GLYR1: variants seen among roughly 807,000 people sequenced by gnomAD.
GLYR1 encodes the protein glyoxylate reductase 1 homolog.
A neutral mutation model predicts 72.7 loss-of-function variants in GLYR1; 21 were observed. The ratio of observed to expected loss-of-function variants is 0.29; its 90% CI spans 0.20 to 0.42. GLYR1 has a LOEUF of 0.42. Among genes scored for constraint, GLYR1 ranks in the 10% least tolerant of loss-of-function variants. The pLI is 1.00. For missense variants in GLYR1, 594 were observed against 712.1 expected, an observed-to-expected ratio of 0.83 and a Z score of 1.89; for synonymous variants, 392 against 270.2, an observed-to-expected ratio of 1.45 and a Z score of -4.42.
chr16:4,819,154 T>C (rs752571862), intron 9 of GLYR1, among the ~76,000 whole-genome samples: 65 of 152,288 alleles, frequency 4.3e-4, no homozygotes, highest in Middle Eastern at 3.4e-3. Context: ...TTCTTGTTTT[T>C]ATAGTTTTTA....
chr16:4,835,470 T>C (rs1387675119), intron 3 of GLYR1, among the ~76,000 whole-genome samples: 2 of 152,206 alleles, frequency 1.3e-5, no homozygotes, highest in Admixed American at 1.3e-4. Flanking sequence ...ATCCAAGAAA[T>C]GTTAATCTAT....
At chr16:4,823,798 C>G in intron 6 of GLYR1, 23 bp downstream of exon 6, 1 of 1,605,926 alleles carries the variant, frequency 6.2e-7, no homozygotes, top group Non-Finnish European at 8.5e-7. Context: ...ACAGCTTGTC[C>G]TGCCTGCAGG....
chr16:4,840,431 T>C (rs1209389811), intron 3 of GLYR1: 1 of 152,216 alleles, frequency 6.6e-6, no homozygotes, highest in African/African-American at 2.4e-5. Context: ...AAAGGTGGAA[T>C]GATGCATGGT....
chr16:4,806,613 G>A (rs561843551), intron 15 of GLYR1, among the ~76,000 whole-genome samples: 3 of 148,602 alleles, frequency 2.0e-5, no homozygotes, highest in South Asian at 4.2e-4. Context: ...CTTAAGCCTC[G>A]ACCCTGCCTC....
intron 3 of GLYR1, 89 bp from the exon 4 acceptor site, chr16:4,833,001 C>T (rs2071235446): frequency 7.7e-7 from 1 of 1,300,510 alleles, no homozygotes; most frequent in Middle Eastern, 1.9e-4. Flanking sequence ...GTGTAAATAT[C>T]CATTTGGTTT....
chr16:4,805,056 C>T lies in GLYR1; in HGVS notation c.*180G>A, dbSNP rs1239716643. The T allele has an allele frequency of 1.6e-6, 1 of 622,852 alleles. No individual in the cohort carries two copies. Among genetic ancestry groups the T allele is most frequent in the Non-Finnish European group, 2.9e-6 (1 of 345,332 alleles). 38.6% of individuals were successfully genotyped at this position (622,852 alleles called of 1,614,324 possible). A position where few individuals can be genotyped will look rare whatever the true frequency, so the allele number is the denominator to read the frequency against. The stretch of plus-strand genomic sequence containing the variant: ...AATCCTGCTGACACTTGTCCCCTCC[C>T]CACCGGCCTCAGGGGAAGGGTGCTG... On this transcript the variant is annotated 3_prime_UTR_variant, in exon 16 of 16. Transcript: ENST00000321919.
intron 15 of GLYR1, among the ~76,000 whole-genome samples, chr16:4,805,515 C>A (rs190534288): frequency 6.6e-6 from 1 of 152,338 alleles, no homozygotes; most frequent in Non-Finnish European, 1.5e-5. Flanking sequence ...GGAGAAGGAA[C>A]AGTACCCGGG....
intron 5 of GLYR1, among the ~76,000 whole-genome samples, chr16:4,824,294 C>T (rs1299291091): frequency 1.3e-5 from 2 of 151,946 alleles, no homozygotes; most frequent in East Asian, 3.9e-4. Flanking sequence ...GCAGGCAGAT[C>T]ATGAGGTCAA....
chr16:4,812,089 G>A lies in GLYR1; in HGVS notation c.1279C>T (p.Leu427=). 6.2e-7 allele frequency: 1 copy of A among 1,613,320 alleles called. No homozygotes were observed. Among genetic ancestry groups the A allele is most frequent in the Non-Finnish European group, 8.5e-7 (1 of 1,179,618 alleles). Residue 427 remains leucine (L), a synonymous_variant, in exon 13 of 16, where the codon CTA becomes TTA. Coordinates refer to ENST00000321919, the MANE Select transcript of GLYR1 (RefSeq NM_032569.4). ...CTGACAGGTGCAGGCGTGTTACCTA[G>A]GAAGAAGGAGGTCTTCCCCATCGCC... The part of the protein sequence containing the change: ...FQAMGKTSFF[L]GEVGNAAKMM...
intron 9 of GLYR1, among the ~76,000 whole-genome samples, chr16:4,818,874 C>T (rs1297958396): frequency 6.6e-6 from 1 of 152,146 alleles, no homozygotes; most frequent in Non-Finnish European, 1.5e-5. Context: ...CACTGTTCCC[C>T]CAGCCCTTCC....
rs551656449 is a variant in GLYR1, at chr16:4,821,284, C to A, written c.806+96G>T. The A allele has an allele frequency of 1.7e-5, 21 of 1,232,176 alleles. No individual in the cohort carries two copies. The African/African-American group carries it at 3.0e-4, about 17-fold the overall frequency. 76.3% of individuals were successfully genotyped at this position (1,232,176 alleles called of 1,614,324 possible). A position where few individuals can be genotyped will look rare whatever the true frequency, so the allele number is the denominator to read the frequency against. On this transcript the variant is annotated intron_variant, in intron 9 of 15. Coordinates refer to ENST00000321919, the MANE Select transcript of GLYR1 (RefSeq NM_032569.4). ...CTTTTCCATTCAATGCCAGCAATGG[C>A]TGGGACACAACCCTTAAAGAACCCC...
rs767646195 is a variant in GLYR1, at chr16:4,803,795, A to G, written c.*1441T>C. 1 of 152,206 alleles carries G rather than the reference A, an allele frequency of 6.6e-6. No individual in the cohort carries two copies. Among genetic ancestry groups the G allele is most frequent in the Non-Finnish European group, 1.5e-5 (1 of 68,030 alleles). The allele number at this position is 152,206 out of a possible 1,614,324, so 9.4% of individuals were successfully genotyped here. ...CCCCGCCCTAGTGTGGCCACCCTAT[A>G]TATAATTACATATTGCATCGTAAAT... On this transcript the variant is annotated 3_prime_UTR_variant, in exon 16 of 16. Transcript: ENST00000321919.
Position 4,817,653 on chromosome 16 carries a change from G to C in GLYR1, c.851C>G (p.Ser284Cys). 2.5e-6 allele frequency: 4 copies of C among 1,613,772 alleles called. No homozygotes were observed. The highest frequency in any genetic ancestry group is 3.4e-6 in the Non-Finnish European group (4 of 1,179,720). Reference protein sequence around the residue: ...GLGLMGSGIVSNLLKMGHTVT... With the variant: ...GLGLMGSGIVCNLLKMGHTVT... ...TGTGTGACCCATTTTTAGCAAGTTG[G>C]AGACGATTCCACTTCCCATGAGACC... Residue 284 changes from serine (S) to cysteine (C), a missense_variant, in exon 10 of 16, where the codon TCC becomes TGC. Around this residue, in one of 5 missense-constraint regions of GLYR1, gnomAD observed 266 missense variants for 358.4 expected, o/e 0.74. Transcript: ENST00000321919.
intron 9 of GLYR1, 162 bp downstream of exon 9, chr16:4,821,218 G>C (rs2084001075): frequency 4.2e-6 from 3 of 706,410 alleles, no homozygotes; most frequent in Non-Finnish European, 7.2e-6. Flanking sequence ...CACAGCTTTT[G>C]ACTCCTGTCT....
intron 5 of GLYR1, among the ~76,000 whole-genome samples, chr16:4,830,670 T>C (rs982577239): frequency 3.9e-5 from 6 of 152,220 alleles, no homozygotes; most frequent in African/African-American, 1.4e-4. Context: ...CTCTTTATCC[T>C]GCTGTTGACA....
At chr16:4,842,727 T>C (rs992363693) in intron 3 of GLYR1, among the ~76,000 whole-genome samples, 31 of 151,932 alleles carry the variant, frequency 2.0e-4, no homozygotes, top group African/African-American at 7.2e-4. Context: ...TGAGACAGAG[T>C]CTCGCTCTGT....
At chr16:4,824,040 C>T (rs925491718) in intron 5 of GLYR1, 133 bp from the exon 6 acceptor site, 1 of 622,418 alleles carries the variant, frequency 1.6e-6, no homozygotes, top group Admixed American at 3.1e-5. Context: ...TCGGGAGAAA[C>T]AAGCCAGTTC....
At chr16:4,837,999 G>C (rs1251888150) in intron 3 of GLYR1, among the ~76,000 whole-genome samples, 2 of 151,626 alleles carry the variant, frequency 1.3e-5, no homozygotes, top group African/African-American at 4.8e-5. Context: ...ATACAGGTGA[G>C]AACAAAGATG....
chr16:4,843,108 A>C (rs1446848043), intron 3 of GLYR1, among the ~76,000 whole-genome samples: 4 of 152,224 alleles, frequency 2.6e-5, no homozygotes, highest in African/African-American at 9.6e-5. Flanking sequence ...CCTCAGTGTC[A>C]AGCAATTCAG....
Sources: gnomAD v4.1 joint callset for allele counts (sites outside exome capture counted in the v4.1 genomes callset) on GRCh38, gnomAD v4.1.1 for gene constraint, gnomAD v4.1.1 regional missense constraint, MANE v1.5 for transcripts, NCBI Gene and HGNC (gene_info 2026-07-23, HGNC 2026-07-21) for gene names.